Variants in FBXO11 observed in about 807,000 individuals in gnomAD.
FBXO11 encodes F-box protein 11.
Under a neutral mutation model 117.0 loss-of-function variants are expected in FBXO11, and 13 were observed. That is an observed-to-expected ratio of 0.11 (90% CI 0.07 to 0.18). FBXO11 has a LOEUF of 0.18. FBXO11 is among the 10% of genes least tolerant of loss of function. FBXO11 has a pLI of 1.00. For missense variants in FBXO11, 767 were observed against 1,164.4 expected (o/e 0.66, Z 4.97); for synonymous variants, 490 against 380.5 (o/e 1.29, Z -3.35).
chr2:47,844,673 G>C (rs992180730), intron 1 of FBXO11, among the ~76,000 whole-genome samples: 1 of 152,030 alleles, frequency 6.6e-6, no homozygotes. Context: ...TTGTTTTTGA[G>C]ACAGGGTCTC....
intron 1 of FBXO11, among the ~76,000 whole-genome samples, chr2:47,885,253 T>C (rs1384012775): frequency 6.6e-6 from 1 of 152,104 alleles, no homozygotes; most frequent in East Asian, 1.9e-4. Context: ...TTTACTACAG[T>C]GTCAAAAAAA....
chr2:47,830,636 T>A (rs1672109034), intron 11 of FBXO11, among the ~76,000 whole-genome samples: 1 of 152,218 alleles, frequency 6.6e-6, no homozygotes, highest in African/African-American at 2.4e-5. Flanking sequence ...TTAATGGAAA[T>A]ATCTATCTAT....
intron 1 of FBXO11, among the ~76,000 whole-genome samples, chr2:47,884,993 T>C (rs942027305): frequency 1.3e-5 from 2 of 152,190 alleles, no homozygotes; most frequent in African/African-American, 2.4e-5. Flanking sequence ...GGTAAGAATA[T>C]AGCAACTTCA....
Position 47,905,639 on chromosome 2 carries a change from G to T in FBXO11, c.82C>A (p.Pro28Thr). The T allele has an allele frequency of 7.0e-7, 1 of 1,428,540 alleles. No homozygotes were observed. Among genetic ancestry groups the T allele is most frequent in the Non-Finnish European group, 9.2e-7 (1 of 1,088,844 alleles). The allele number at this position is 1,428,540 out of a possible 1,614,324, so 88.5% of individuals were successfully genotyped here. A position where few individuals can be genotyped will look rare whatever the true frequency, so the allele number is the denominator to read the frequency against. ...RPVQQQQQQP[P>T]QQPPPQPPQQ... ...GGCGGCTGCGGCGGCGGCTGCTGCG[G>T]GGGCTGCTGCTGCTGTTGCTGCACC... Residue 28 changes from proline to threonine, a missense_variant, in exon 1 of 23, where the codon CCG (proline) becomes ACG (threonine). Physicochemically the swap from Pro to Thr is conservative, Grantham distance 38. Coordinates refer to ENST00000403359, the MANE Select transcript of FBXO11 (RefSeq NM_001190274.2).
chr2:47,848,318 G>A (rs920605797), intron 1 of FBXO11, among the ~76,000 whole-genome samples: 1 of 152,202 alleles, frequency 6.6e-6, no homozygotes, highest in African/African-American at 2.4e-5. Context: ...ATCAGCCACA[G>A]CATTAGATTC....
At chr2:47,831,023 T>C (rs921329275) in intron 11 of FBXO11, among the ~76,000 whole-genome samples, 2 of 151,874 alleles carry the variant, frequency 1.3e-5, no homozygotes, top group Non-Finnish European at 2.9e-5. Flanking sequence ...GGTTTTGAAC[T>C]CCTGAGCCCA....
At chr2:47,863,839 G>C (rs1055730483) in intron 1 of FBXO11, among the ~76,000 whole-genome samples, 17 of 151,954 alleles carry the variant, frequency 1.1e-4, no homozygotes, top group Admixed American at 8.5e-4. Context: ...TAATTGGGAG[G>C]TTGAGGCAGG....
intron 1 of FBXO11, among the ~76,000 whole-genome samples, chr2:47,878,299 A>G (rs116141716): frequency 6.6e-6 from 1 of 152,272 alleles, no homozygotes; most frequent in African/African-American, 2.4e-5. Context: ...TCCTGCCTGC[A>G]AAACAGATTT....
At chr2:47,870,654 G>A (rs1380208553) in intron 1 of FBXO11, among the ~76,000 whole-genome samples, 1 of 152,202 alleles carries the variant, frequency 6.6e-6, no homozygotes, top group African/African-American at 2.4e-5. Flanking sequence ...GAATCATGGT[G>A]CTGCTGCTAC....
chr2:47,838,746 T>C (rs1672785538), intron 4 of FBXO11, 113 bp downstream of exon 4: 2 of 885,414 alleles, frequency 2.3e-6, no homozygotes, highest in Non-Finnish European at 1.7e-6. Context: ...CATTTTAATT[T>C]TGTTCCAACT....
At chr2:47,887,326 T>G (rs1014686733) in intron 1 of FBXO11, among the ~76,000 whole-genome samples, 2 of 148,762 alleles carry the variant, frequency 1.3e-5, no homozygotes, top group Non-Finnish European at 3.0e-5. Context: ...CAAGACCCTA[T>G]CTCGAATTTT....
intron 1 of FBXO11, among the ~76,000 whole-genome samples, chr2:47,903,064 A>G (rs1357403873): frequency 6.6e-6 from 1 of 152,218 alleles, no homozygotes; most frequent in Non-Finnish European, 1.5e-5. Context: ...TGCGTGCTCC[A>G]TAAAACTTTC....
chr2:47,871,430 G>A (rs1675616636), intron 1 of FBXO11, among the ~76,000 whole-genome samples: 1 of 152,144 alleles, frequency 6.6e-6, no homozygotes, highest in Non-Finnish European at 1.5e-5. Context: ...AACCTAATGA[G>A]ACTTTGATAA....
chr2:47,812,796 G>A (rs1670718042), intron 18 of FBXO11: 1 of 217,972 alleles, frequency 4.6e-6, no homozygotes, highest in Non-Finnish European at 9.2e-6. Context: ...TACCAAACCA[G>A]GCACATCTTG....
In FBXO11 at chr2:47,839,011, G is replaced by C; in HGVS notation, c.443-8C>G. The stretch of plus-strand genomic sequence containing the variant: ...ACTGTTCAGCAGGTGCTGCTATAAA[G>C]AGATTAACATATAAACTATCATTCG... On this transcript the variant is annotated splice_polypyrimidine_tract_variant and splice_region_variant and intron_variant, in intron 3 of 22. Coordinates refer to ENST00000403359, the MANE Select transcript of FBXO11 (RefSeq NM_001190274.2). The C allele has an allele frequency of 1.2e-6, 2 of 1,607,178 alleles. No individual in the cohort carries two copies. The highest frequency in any genetic ancestry group is 2.2e-5 in the East Asian group (1 of 44,744).
intron 1 of FBXO11, among the ~76,000 whole-genome samples, chr2:47,883,057 T>A (rs1676553076): frequency 6.6e-6 from 1 of 152,198 alleles, no homozygotes; most frequent in Non-Finnish European, 1.5e-5. Context: ...TTTGTAATCT[T>A]CTCTTGTAGA....
At chr2:47,902,512 G>A (rs1678372539) in intron 1 of FBXO11, among the ~76,000 whole-genome samples, 2 of 151,954 alleles carry the variant, frequency 1.3e-5, no homozygotes, top group Admixed American at 6.6e-5. Context: ...AAGACAAAGC[G>A]TATATACACA....
At chr2:47,864,814 T>G (rs1000943655) in intron 1 of FBXO11, among the ~76,000 whole-genome samples, 1 of 152,202 alleles carries the variant, frequency 6.6e-6, no homozygotes, top group African/African-American at 2.4e-5. Flanking sequence ...AAGCAAAGCC[T>G]TGAAATTTAC....
intron 1 of FBXO11, among the ~76,000 whole-genome samples, chr2:47,856,228 A>C (rs1674282501): frequency 6.6e-6 from 1 of 152,226 alleles, no homozygotes; most frequent in Non-Finnish European, 1.5e-5. Context: ...CAAACCACCA[A>C]ACAAGCATAA....
Sources: gnomAD v4.1 joint callset for allele counts (sites outside exome capture counted in the v4.1 genomes callset) on GRCh38, gnomAD v4.1.1 for gene constraint, MANE v1.5 for transcripts, NCBI Gene and HGNC (gene_info 2026-07-23, HGNC 2026-07-21) for gene names.